NHSL2: variants seen among roughly 807,000 people sequenced by gnomAD.
NHSL2 encodes NHS like 2.
In NHSL2, 27 loss-of-function variants were observed where a neutral mutation model predicts 53.4. The observed-to-expected ratio is 0.51, with a 90% confidence interval of 0.37 to 0.70. NHSL2 has a LOEUF of 0.70. Ranked by LOEUF, NHSL2 falls within the 30% of genes least tolerant of loss-of-function variation. The probability of loss-of-function intolerance (pLI) is 0.00; values close to 1 mark genes in which losing one functional copy is unlikely to be tolerated. For missense variants in NHSL2, 892 were observed against 980.1 expected (o/e 0.91, Z 1.20); for synonymous variants, 408 against 404.1 (o/e 1.01, Z -0.12).
intron 1 of NHSL2, among the ~76,000 whole-genome samples, chrX:72,123,088 C>T (rs932499349): frequency 3.6e-5 from 4 of 111,575 alleles, no homozygotes; most frequent in Admixed American, 2.8e-4. Context: ...GGCAGTTTCG[C>T]GGAGGAAGTG....
chrX:72,134,420 C>T (rs1172461261), intron 3 of NHSL2, 89 bp from the exon 4 acceptor site: 12 of 896,804 alleles, frequency 1.3e-5, no homozygotes, highest in African/African-American at 2.0e-5. Context: ...GACGAAGCCT[C>T]CAACTACCCA....
intron 1 of NHSL2, among the ~76,000 whole-genome samples, chrX:72,048,411 T>C (rs1169740237): frequency 9.0e-6 from 1 of 110,789 alleles, no homozygotes; most frequent in African/African-American, 3.3e-5. Flanking sequence ...AAGGGGAAGA[T>C]GCAGATAACT....
intron 1 of NHSL2, among the ~76,000 whole-genome samples, chrX:72,085,438 G>A (rs1307658867): frequency 1.8e-5 from 2 of 111,650 alleles, no homozygotes; most frequent in Non-Finnish European, 3.8e-5. Flanking sequence ...TTTTAATCTG[G>A]TTTTCTTTTT....
chrX:72,020,203 A>G (rs1370107653), intron 1 of NHSL2, among the ~76,000 whole-genome samples: 5 of 112,796 alleles, frequency 4.4e-5, no homozygotes, highest in African/African-American at 1.6e-4. Context: ...ACTACCTGGC[A>G]TAGTTCCTTG....
At chrX:72,051,565 C>A (rs2042340560) in intron 1 of NHSL2, among the ~76,000 whole-genome samples, 1 of 111,351 alleles carries the variant, frequency 9.0e-6, no homozygotes, top group African/African-American at 3.3e-5. Context: ...CATCTCCTAT[C>A]CAGCCCTCCT....
intron 1 of NHSL2, among the ~76,000 whole-genome samples, chrX:71,976,527 C>A (rs1432322082): frequency 8.9e-6 from 1 of 111,923 alleles, no homozygotes; most frequent in Non-Finnish European, 1.9e-5. Flanking sequence ...ACATTCAAGA[C>A]CCTCTTGATC....
chrX:72,098,221 T>C (rs2041958275), intron 1 of NHSL2, among the ~76,000 whole-genome samples: 1 of 111,443 alleles, frequency 9.0e-6, no homozygotes, highest in African/African-American at 3.3e-5. Context: ...CATAGACCCT[T>C]GTGGGTTTTG....
At chrX:71,955,694 C>T (rs1318657602) in intron 1 of NHSL2, among the ~76,000 whole-genome samples, 1 of 110,138 alleles carries the variant, frequency 9.1e-6, no homozygotes, top group South Asian at 4.0e-4. Context: ...TATGTCTCCT[C>T]TGGGAGCTGT....
At chrX:71,936,741 G>T (rs1486499891) in intron 1 of NHSL2, among the ~76,000 whole-genome samples, 1 of 112,031 alleles carries the variant, frequency 8.9e-6, no homozygotes, top group Non-Finnish European at 1.9e-5. Flanking sequence ...TGGTGTGTGT[G>T]TGTAGTGGGG....
intron 1 of NHSL2, among the ~76,000 whole-genome samples, chrX:72,102,098 A>G (rs1022313025): frequency 8.9e-6 from 1 of 112,655 alleles, no homozygotes; most frequent in Non-Finnish European, 1.9e-5. Context: ...GCTACCCAGT[A>G]GCATTCTCTT....
chrX:71,934,387 G>T (rs954230712), intron 1 of NHSL2, among the ~76,000 whole-genome samples: 1 of 111,625 alleles, frequency 9.0e-6, no homozygotes, highest in Non-Finnish European at 1.9e-5. Flanking sequence ...CAAAATACAC[G>T]TGAATTCAAT....
chrX:71,965,335 T>G (rs905722961), intron 1 of NHSL2, among the ~76,000 whole-genome samples: 2 of 112,772 alleles, frequency 1.8e-5, no homozygotes, highest in African/African-American at 6.4e-5. Flanking sequence ...TGCATGTGGA[T>G]GTCCACTTGC....
chrX:71,912,003 G>A (rs2041606177), intron 1 of NHSL2, among the ~76,000 whole-genome samples: 1 of 112,120 alleles, frequency 8.9e-6, no homozygotes, highest in Non-Finnish European at 1.9e-5. Context: ...GGGGGGAGGG[G>A]AGAATGTCCG....
chrX:71,987,420 C>T (rs1188413699), intron 1 of NHSL2, among the ~76,000 whole-genome samples: 2 of 111,256 alleles, frequency 1.8e-5, no homozygotes, highest in South Asian at 3.8e-4. Flanking sequence ...GTCCATATGT[C>T]CCCAGGCCTT....
At chrX:72,016,137 G>C in intron 1 of NHSL2, among the ~76,000 whole-genome samples, 1 of 112,069 alleles carries the variant, frequency 8.9e-6, no homozygotes, top group Non-Finnish European at 1.9e-5. Context: ...AGTTGTTTGA[G>C]CTATGTGGAA....
intron 1 of NHSL2, among the ~76,000 whole-genome samples, chrX:72,102,475 A>T (rs899726202): frequency 4.5e-5 from 5 of 112,067 alleles, no homozygotes; most frequent in Non-Finnish European, 9.4e-5. Flanking sequence ...CTTAAGATTT[A>T]GTACTCTACT....
intron 1 of NHSL2, 66 bp downstream of exon 1, chrX:71,911,433 G>A: frequency 1.1e-6 from 1 of 945,278 alleles, no homozygotes; most frequent in Non-Finnish European, 1.4e-6. Flanking sequence ...GCCGGTCGGC[G>A]CTTAGCGCTG....
chrX:72,128,163 C>T (rs1403947247), intron 1 of NHSL2: 6 of 112,018 alleles, frequency 5.4e-5, no homozygotes, highest in Admixed American at 3.7e-4. Flanking sequence ...GGGCATCTTA[C>T]CTCCCACTGA....
At chrX:72,101,971 C>T (rs753254517) in intron 1 of NHSL2, among the ~76,000 whole-genome samples, 1 of 112,276 alleles carries the variant, frequency 8.9e-6, no homozygotes, top group Admixed American at 9.4e-5. Flanking sequence ...CTTCAGCCCC[C>T]TCCTGAGGCT....
Sources: allele counts gnomAD v4.1 joint callset (sites outside exome capture counted in the v4.1 genomes callset), GRCh38; gene constraint gnomAD v4.1.1; transcripts MANE v1.5; gene names NCBI Gene and HGNC (gene_info 2026-07-23, HGNC 2026-07-21).